TRPA1: variants seen among roughly 807,000 people sequenced by gnomAD.
The protein encoded by TRPA1 is transient receptor potential cation channel subfamily A member 1, also known as ankyrin-like with transmembrane domains 1.
Under a neutral mutation model 131.3 loss-of-function variants are expected in TRPA1, and 129 were observed. The ratio of observed to expected loss-of-function variants is 0.98; its 90% CI spans 0.85 to 1.14. TRPA1 has a LOEUF of 1.14. TRPA1 is among the 50% of genes most tolerant of loss of function. TRPA1 has a pLI of 0.00. For synonymous variants in TRPA1, 441 were observed against 451.7 expected (o/e 0.98, Z 0.30); for missense variants, 1,304 against 1,354.2 (o/e 0.96, Z 0.58).
upstream of TRPA1, among the ~76,000 whole-genome samples, chr8:72,080,201 G>C (rs897221962): frequency 6.6e-6 from 1 of 151,666 alleles, no homozygotes; most frequent in African/African-American, 2.4e-5. Context: ...AGGAGAGAGT[G>C]GATATCCTTA....
In TRPA1 at chr8:72,053,890, T is replaced by C. The variant is rs755049271; in HGVS notation, c.1530-23A>G. 1.5e-5 allele frequency: 24 copies of C among 1,560,066 alleles called. No homozygotes were observed. The Admixed American group carries it at 2.1e-4, about 13-fold the overall frequency. On this transcript the variant is annotated intron_variant, in intron 12 of 26. Transcript: ENST00000262209. Reference sequence around the variant, plus strand: ...TCACTGGTAAAGAGTTAAGAAAAGATGTGTGCATACACTTAACAGATGAAA... The same window carrying C: ...TCACTGGTAAAGAGTTAAGAAAAGACGTGTGCATACACTTAACAGATGAAA...
At chr8:72,051,240 C>A (rs1730965727) in intron 14 of TRPA1, among the ~76,000 whole-genome samples, 1 of 152,160 alleles carries the variant, frequency 6.6e-6, no homozygotes, top group African/African-American at 2.4e-5. Flanking sequence ...CATTCACATG[C>A]CTACACCATC....
chr8:72,031,076 T>C (rs536692758), intron 23 of TRPA1, among the ~76,000 whole-genome samples: 2 of 152,276 alleles, frequency 1.3e-5, no homozygotes, highest in Admixed American at 1.3e-4. Context: ...GCCCAGTGCT[T>C]AGTATAGAGC....
chr8:72,088,366 C>CTTTTTTTTTTTTT, the TRPA1 span, among the ~76,000 whole-genome samples: 340 of 81,226 alleles, frequency 4.2e-3, no homozygotes, highest in East Asian at 0.015. Flanking sequence ...TCTTTGAAAA[C>CTTTTTTTTTTTTT]TTTTTTTTTT....
chr8:72,082,717 C>A, the TRPA1 span, among the ~76,000 whole-genome samples: 1 of 150,828 alleles, frequency 6.6e-6, no homozygotes, highest in Non-Finnish European at 1.5e-5. Context: ...TAGTTTTTCT[C>A]TTCCTAATTT....
At chr8:72,035,855 T>G (rs1283993680) in intron 21 of TRPA1, among the ~76,000 whole-genome samples, 2 of 151,958 alleles carry the variant, frequency 1.3e-5, no homozygotes, top group East Asian at 3.9e-4. Flanking sequence ...CTGGGCTCAT[T>G]TGGCACACAG....
At chr8:72,053,001 T>TAGAGAAAG in intron 13 of TRPA1, 1 of 193,902 alleles carries the variant, frequency 5.2e-6, no homozygotes, top group East Asian at 1.2e-4. Context: ...GTGTGAGAGA[T>TAGAGAAAG]AGAGAAAGAG....
At chr8:72,088,366 C>CT in the TRPA1 span, among the ~76,000 whole-genome samples, 8,511 of 81,048 alleles carry the variant, frequency 0.11, 536 homozygotes, top group East Asian at 0.27. Flanking sequence ...TCTTTGAAAA[C>CT]TTTTTTTTTT....
chr8:72,026,980 T>A (rs572798144), intron 24 of TRPA1, among the ~76,000 whole-genome samples: 17 of 152,300 alleles, frequency 1.1e-4, no homozygotes, highest in Admixed American at 1.1e-3. Flanking sequence ...ATAGCACTTA[T>A]CACCATTTAA....
At chr8:72,065,684 C>T in intron 3 of TRPA1, 126 bp from the exon 4 acceptor site, 1 of 720,742 alleles carries the variant, frequency 1.4e-6, no homozygotes, top group South Asian at 1.5e-5. Flanking sequence ...TCATCCTTCT[C>T]TCACACAATC....
At chr8:72,078,983 T>C (rs1271454829), upstream of TRPA1, among the ~76,000 whole-genome samples, 1 of 152,030 alleles carries the variant, frequency 6.6e-6, no homozygotes, top group Non-Finnish European at 1.5e-5. Flanking sequence ...CTCTAATTAG[T>C]ATTTCCCTAA....
At chr8:72,080,573 T>C (rs1294105758), upstream of TRPA1, among the ~76,000 whole-genome samples, 1 of 151,800 alleles carries the variant, frequency 6.6e-6, no homozygotes, top group Non-Finnish European at 1.5e-5. Context: ...GCTATCAGTA[T>C]AGTAGTGGCC....
At chr8:72,049,107 G>A (rs1805426413) in intron 15 of TRPA1, among the ~76,000 whole-genome samples, 1 of 151,848 alleles carries the variant, frequency 6.6e-6, no homozygotes, top group Non-Finnish European at 1.5e-5. Context: ...TTTTCATTAG[G>A]CATCATAAAA....
chr8:72,056,782 T>G, intron 10 of TRPA1, 135 bp downstream of exon 10: 1 of 700,900 alleles, frequency 1.4e-6, no homozygotes. Flanking sequence ...AATAGTCAAA[T>G]ATGTCATCTT....
chr8:72,076,971 TAAAGA>T (rs1305299009), upstream of TRPA1, among the ~76,000 whole-genome samples: 2 of 152,114 alleles, frequency 1.3e-5, no homozygotes, highest in Admixed American at 6.5e-5. Flanking sequence ...GAGAAACCAA[TAAAGA>T]AAAGAATCCC....
At chr8:72,076,031 G>A (rs941983115), upstream of TRPA1, among the ~76,000 whole-genome samples, 4 of 152,106 alleles carry the variant, frequency 2.6e-5, no homozygotes, top group African/African-American at 9.7e-5. Context: ...CCCACCACGT[G>A]CACCTTCTTC....
At chr8:72,027,807 C>T (rs561279877) in intron 24 of TRPA1, among the ~76,000 whole-genome samples, 68 of 152,188 alleles carry the variant, frequency 4.5e-4, no homozygotes, top group Non-Finnish European at 7.8e-4. Flanking sequence ...AATGGCTTCC[C>T]GGTTTTCCAG....
At chr8:72,089,253 C>G in the TRPA1 span, among the ~76,000 whole-genome samples, 1 of 152,016 alleles carries the variant, frequency 6.6e-6, no homozygotes, top group East Asian at 1.9e-4. Flanking sequence ...GTAGATTTCT[C>G]TAAATACAAG....
At chr8:72,026,667 A>G (rs1480658135) in intron 24 of TRPA1, among the ~76,000 whole-genome samples, 2 of 152,156 alleles carry the variant, frequency 1.3e-5, no homozygotes, top group African/African-American at 4.8e-5. Context: ...TTTTAAGTAT[A>G]ATTACTATTT....
Sources: allele counts gnomAD v4.1 joint callset (sites outside exome capture counted in the v4.1 genomes callset), GRCh38; gene constraint gnomAD v4.1.1; transcripts MANE v1.5; gene names NCBI Gene and HGNC (gene_info 2026-07-23, HGNC 2026-07-21).